AKAP14: variants seen among roughly 807,000 people sequenced by gnomAD.
The protein encoded by AKAP14 is A-kinase anchoring protein 14.
AKAP14 carries 4 observed loss-of-function variants against 17.0 expected under a neutral mutation model. The ratio of observed to expected loss-of-function variants is 0.23; its 90% CI spans 0.12 to 0.54. AKAP14 has a LOEUF of 0.54. AKAP14 is among the 20% of genes least tolerant of loss of function. The probability of loss-of-function intolerance (pLI) is 0.95; values close to 1 mark genes in which losing one functional copy is unlikely to be tolerated. For missense variants in AKAP14, 129 were observed against 150.9 expected (o/e 0.85, Z 0.76); for synonymous variants, 42 against 51.3 (o/e 0.82, Z 0.77).
At chrX:119,897,062 G>A (rs1314627211) in intron 2 of AKAP14, among the ~76,000 whole-genome samples, 1 of 110,684 alleles carries the variant, frequency 9.0e-6, no homozygotes, top group East Asian at 2.8e-4. Flanking sequence ...CTCCCACATT[G>A]GCCTTCCAAA....
rs1376713011 is a variant in AKAP14 at position 119,920,455 on chromosome X, A to G, written c.495-53A>G. The G allele has an allele frequency of 3.0e-6, 3 of 1,012,051 alleles. No individual in the cohort carries two copies. In the African/African-American group the frequency reaches 5.6e-5, roughly 19 times the overall value. 83.4% of individuals were successfully genotyped at this position (1,012,051 alleles called of 1,213,427 possible). On this transcript the variant is annotated intron_variant, in intron 6 of 6. Transcript: ENST00000371431. ...AGGGAATCCCCTTTGTTTGATTTTA[A>G]AAGCTTTTGATTTAAAAATACTTTA... is the stretch of plus-strand genomic sequence containing the variant.
At chrX:119,912,642 C>T (rs989394032) in intron 4 of AKAP14, among the ~76,000 whole-genome samples, 5 of 110,109 alleles carry the variant, frequency 4.5e-5, no homozygotes, top group African/African-American at 1.3e-4. Flanking sequence ...CCGCTCACCT[C>T]GGCCTCCCAA....
Position 119,896,007 on chromosome X carries a change from G to A in AKAP14, c.-124+20G>A, listed in dbSNP as rs1434488914. The A allele has an allele frequency of 9.0e-6, 1 of 111,171 alleles. No homozygotes were observed. Among genetic ancestry groups the A allele is most frequent in the Admixed American group, 9.7e-5 (1 of 10,335 alleles). 9.2% of individuals were successfully genotyped at this position (111,171 alleles called of 1,213,427 possible). ...AGCTAGGTATAGCTACTACAGTTTG[G>A]TCCTATTATTGCGGTCAGACAGTTG... On this transcript the variant is annotated intron_variant, in intron 1 of 6. Transcript: ENST00000371431.
intron 5 of AKAP14, 182 bp from the exon 6 acceptor site, chrX:119,919,729 C>A: frequency 2.8e-6 from 1 of 363,206 alleles, no homozygotes; most frequent in Non-Finnish European, 4.7e-6. Flanking sequence ...ATCTATGATC[C>A]CAGCTACTCA....
intron 2 of AKAP14, 122 bp from the exon 3 acceptor site, chrX:119,903,092 T>C (rs2056576386): frequency 4.4e-6 from 3 of 682,528 alleles, no homozygotes; most frequent in South Asian, 3.0e-5. Context: ...CCTAATCCCC[T>C]CCCTAGAGGC....
chrX:119,903,622 G>A, intron 4 of AKAP14, 36 bp downstream of exon 4: 1 of 1,206,341 alleles, frequency 8.3e-7, no homozygotes. Context: ...TGGTACACCG[G>A]TGTGAAGAAC....
chrX:119,910,467 GGA>G (rs1209105803), intron 4 of AKAP14, among the ~76,000 whole-genome samples: 44 of 111,237 alleles, frequency 4.0e-4, no homozygotes, highest in African/African-American at 1.3e-3. Flanking sequence ...GCCAGCCCAA[GGA>G]AGTTCAGTTG....
At chrX:119,911,533 T>C (rs766250051) in intron 4 of AKAP14, among the ~76,000 whole-genome samples, 1 of 110,431 alleles carries the variant, frequency 9.1e-6, no homozygotes, top group Non-Finnish European at 1.9e-5. Context: ...TCAGAAAGAC[T>C]TCTTGGAGGT....
At chrX:119,897,389 G>C (rs1383710289) in intron 2 of AKAP14, among the ~76,000 whole-genome samples, 2 of 106,637 alleles carry the variant, frequency 1.9e-5, no homozygotes, top group Non-Finnish European at 3.9e-5. Context: ...TCGATCTCCT[G>C]ACCTCGTGAT....
At chrX:119,908,524 G>C (rs1320394089) in intron 4 of AKAP14, among the ~76,000 whole-genome samples, 1 of 111,641 alleles carries the variant, frequency 9.0e-6, no homozygotes, top group Non-Finnish European at 1.9e-5. Context: ...TGAGCAAAAA[G>C]ATACAAATTA....
At chrX:119,902,354 G>C (rs569205461) in intron 2 of AKAP14, among the ~76,000 whole-genome samples, 119 of 111,272 alleles carry the variant, frequency 1.1e-3, no homozygotes, top group African/African-American at 3.7e-3. Flanking sequence ...GATTACAGGC[G>C]TGAGCCACCG....
chrX:119,918,612 A>G (rs890556442), intron 5 of AKAP14, among the ~76,000 whole-genome samples: 21 of 112,494 alleles, frequency 1.9e-4, no homozygotes, highest in African/African-American at 6.4e-4. Context: ...TTCCTGTAAA[A>G]CAAGGCCTGG....
At chrX:119,919,651 G>A (rs1275580833) in intron 5 of AKAP14, 3 of 267,911 alleles carry the variant, frequency 1.1e-5, no homozygotes, top group Non-Finnish European at 2.0e-5. Context: ...TTCGAGACCA[G>A]CCTGGGCAAC....
intron 2 of AKAP14, among the ~76,000 whole-genome samples, chrX:119,898,771 T>C (rs2147825926): frequency 9.7e-6 from 1 of 102,759 alleles, no homozygotes; most frequent in African/African-American, 3.6e-5. Flanking sequence ...CACTCCGGCC[T>C]GGGCAATAAG....
chrX:119,912,138 C>A (rs1322158269), intron 4 of AKAP14, among the ~76,000 whole-genome samples: 1 of 109,595 alleles, frequency 9.1e-6, no homozygotes, highest in Non-Finnish European at 1.9e-5. Context: ...ACCATGTTGG[C>A]CGAGCTGGTC....
intron 2 of AKAP14, among the ~76,000 whole-genome samples, chrX:119,897,222 A>C (rs1236210070): frequency 2.8e-5 from 3 of 107,017 alleles, no homozygotes; most frequent in Non-Finnish European, 5.8e-5. Flanking sequence ...TGAAGTGGTG[A>C]GATCTTGGCT....
intron 4 of AKAP14, among the ~76,000 whole-genome samples, chrX:119,908,013 C>T (rs1453302583): frequency 2.7e-5 from 3 of 111,282 alleles, no homozygotes; most frequent in Admixed American, 9.6e-5. Context: ...AGGCTGGGCG[C>T]GGTGGCTCAC....
At chrX:119,917,373 G>A (rs1169349096) in intron 5 of AKAP14, among the ~76,000 whole-genome samples, 2 of 111,317 alleles carry the variant, frequency 1.8e-5, no homozygotes, top group Non-Finnish European at 3.8e-5. Flanking sequence ...CAGCACTTTG[G>A]GAGGCCAAGG....
intron 4 of AKAP14, among the ~76,000 whole-genome samples, chrX:119,909,841 C>T (rs930954774): frequency 3.8e-5 from 4 of 106,650 alleles, no homozygotes; most frequent in African/African-American, 1.4e-4. Context: ...GCCGAGATCA[C>T]GTCACTGCAC....
Sources: gnomAD v4.1 joint callset for allele counts (sites outside exome capture counted in the v4.1 genomes callset) on GRCh38, gnomAD v4.1.1 for gene constraint, MANE v1.5 for transcripts, NCBI Gene and HGNC (gene_info 2026-07-23, HGNC 2026-07-21) for gene names.